Variants in SCFD2 observed in about 807,000 individuals in gnomAD.
The protein encoded by SCFD2 is sec1 family domain containing 2, also known as sec1 family domain-containing protein 2.
SCFD2 carries 54 observed loss-of-function variants against 58.9 expected under a neutral mutation model. The ratio of observed to expected loss-of-function variants is 0.92; its 90% CI spans 0.74 to 1.15. The LOEUF is 1.15. Ranked by LOEUF, SCFD2 falls within the 50% of genes most tolerant of loss-of-function variation. The probability of loss-of-function intolerance (pLI) is 0.00; values close to 1 mark genes in which losing one functional copy is unlikely to be tolerated. For synonymous variants in SCFD2, 321 were observed against 335.9 expected (o/e 0.96, Z 0.49); for missense variants, 805 against 836.6 (o/e 0.96, Z 0.47).
chr4:53,148,102 A>G (rs1726389144), intron 4 of SCFD2, among the ~76,000 whole-genome samples: 1 of 152,200 alleles, frequency 6.6e-6, no homozygotes, highest in African/African-American at 2.4e-5. Context: ...TCTAGAAACT[A>G]TGTGTATACA....
At chr4:53,073,441 G>A (rs1392539769) in intron 5 of SCFD2, among the ~76,000 whole-genome samples, 2 of 151,992 alleles carry the variant, frequency 1.3e-5, no homozygotes, top group Non-Finnish European at 2.9e-5. Context: ...ACAGTTGATC[G>A]AGTCCCTATA....
At chr4:53,341,032 A>G (rs1187289902) in intron 2 of SCFD2, among the ~76,000 whole-genome samples, 1 of 152,230 alleles carries the variant, frequency 6.6e-6, no homozygotes, top group East Asian at 1.9e-4. Flanking sequence ...AAAAGCTGAA[A>G]ATTCTAAAAA....
chr4:53,250,502 C>T (rs1730322293), intron 4 of SCFD2, among the ~76,000 whole-genome samples: 1 of 151,942 alleles, frequency 6.6e-6, no homozygotes, highest in Non-Finnish European at 1.5e-5. Context: ...ATATAAAGCT[C>T]TCCTCAGCAA....
chr4:52,903,268 G>C (rs1191268154), intron 7 of SCFD2, among the ~76,000 whole-genome samples: 1 of 152,216 alleles, frequency 6.6e-6, no homozygotes, highest in Non-Finnish European at 1.5e-5. Context: ...TCAATGCATG[G>C]TGGGCGAGGC....
At chr4:53,133,487 T>C (rs996915092) in intron 5 of SCFD2, among the ~76,000 whole-genome samples, 2 of 152,184 alleles carry the variant, frequency 1.3e-5, no homozygotes, top group Non-Finnish European at 2.9e-5. Flanking sequence ...AAAACGTCCA[T>C]GCCTTGTGCT....
intron 4 of SCFD2, among the ~76,000 whole-genome samples, chr4:53,229,609 C>CA (rs1340645713): frequency 2.6e-5 from 4 of 152,254 alleles, no homozygotes; most frequent in Non-Finnish European, 1.5e-5. Flanking sequence ...ACACCTTATA[C>CA]AAAAATTAAT....
At chr4:52,917,301 C>T (rs1719632162) in intron 6 of SCFD2, among the ~76,000 whole-genome samples, 2 of 152,270 alleles carry the variant, frequency 1.3e-5, no homozygotes, top group East Asian at 1.9e-4. Flanking sequence ...AGAGTAGGAA[C>T]CAGGCACAGA....
At chr4:53,356,660 A>C (rs551691735) in intron 1 of SCFD2, among the ~76,000 whole-genome samples, 5 of 151,830 alleles carry the variant, frequency 3.3e-5, no homozygotes, top group African/African-American at 9.7e-5. Context: ...TTCTGGGCTC[A>C]AGTGATCCAC....
At chr4:52,921,257 A>G (rs28615713) in intron 5 of SCFD2, among the ~76,000 whole-genome samples, 14,644 of 152,198 alleles carry the variant, frequency 0.096, 1,236 homozygotes, top group African/African-American at 0.22. Context: ...GATCAAACTC[A>G]CTTGCTTGAA....
intron 4 of SCFD2, among the ~76,000 whole-genome samples, chr4:53,231,425 A>T (rs1176382072): frequency 6.6e-6 from 1 of 152,200 alleles, no homozygotes; most frequent in Non-Finnish European, 1.5e-5. Flanking sequence ...TGTTCTGGTT[A>T]CATAAGAAAT....
chr4:53,253,370 C>T (rs1426014191), intron 4 of SCFD2, among the ~76,000 whole-genome samples: 1 of 151,918 alleles, frequency 6.6e-6, no homozygotes, highest in Non-Finnish European at 1.5e-5. Context: ...ACCATTTGAC[C>T]CAGCCATCCC....
At chr4:53,049,146 G>A (rs1723121651) in intron 5 of SCFD2, among the ~76,000 whole-genome samples, 1 of 152,150 alleles carries the variant, frequency 6.6e-6, no homozygotes. Flanking sequence ...TTAATTCCAT[G>A]TGGAAAGGAC....
At chr4:53,324,154 C>G (rs1333798871) in intron 2 of SCFD2, among the ~76,000 whole-genome samples, 1 of 152,090 alleles carries the variant, frequency 6.6e-6, no homozygotes, top group Non-Finnish European at 1.5e-5. Flanking sequence ...CAATGGCTCA[C>G]ACCTATAATC....
chr4:53,311,161 A>G (rs1732677698), intron 3 of SCFD2, among the ~76,000 whole-genome samples: 1 of 152,204 alleles, frequency 6.6e-6, no homozygotes. Context: ...TAGTGATATG[A>G]AGCAAAAATG....
At chr4:53,171,045 G>A (rs1727163349) in intron 4 of SCFD2, among the ~76,000 whole-genome samples, 1 of 152,068 alleles carries the variant, frequency 6.6e-6, no homozygotes, top group African/African-American at 2.4e-5. Context: ...ATCTGATAAG[G>A]ACTTCCAGTA....
At chr4:53,166,690 A>G (rs1727018931) in intron 4 of SCFD2, among the ~76,000 whole-genome samples, 1 of 152,214 alleles carries the variant, frequency 6.6e-6, no homozygotes, top group African/African-American at 2.4e-5. Context: ...AAGTGGTAAT[A>G]TACAAACACA....
At chr4:53,046,763 G>C (rs1430640933) in intron 5 of SCFD2, among the ~76,000 whole-genome samples, 3 of 151,908 alleles carry the variant, frequency 2.0e-5, no homozygotes, top group Non-Finnish European at 4.4e-5. Flanking sequence ...CACCTCCCAG[G>C]TTCAAGCAAT....
chr4:52,997,391 G>A (rs1163543289), intron 5 of SCFD2, among the ~76,000 whole-genome samples: 1 of 152,192 alleles, frequency 6.6e-6, no homozygotes. Context: ...GGAACTTTCC[G>A]TGGCAGGAAT....
At chr4:53,240,208 A>C (rs1198646863) in intron 4 of SCFD2, among the ~76,000 whole-genome samples, 1 of 152,194 alleles carries the variant, frequency 6.6e-6, no homozygotes, top group Non-Finnish European at 1.5e-5. Flanking sequence ...GGGAATTCTC[A>C]TCTACCTCTT....
Sources: allele counts gnomAD v4.1 joint callset (sites outside exome capture counted in the v4.1 genomes callset), GRCh38; gene constraint gnomAD v4.1.1; transcripts MANE v1.5; gene names NCBI Gene and HGNC (gene_info 2026-07-23, HGNC 2026-07-21).